The following GALNTL6 variants were observed in gnomAD, a reference collection of about 807,000 sequenced individuals.
The protein encoded by GALNTL6 is polypeptide N-acetylgalactosaminyltransferase-like 6.
In GALNTL6, 46 loss-of-function variants were observed where a neutral mutation model predicts 73.7. The observed-to-expected ratio is 0.62, with a 90% CI of 0.49 to 0.80. The LOEUF is 0.80. Among genes scored for constraint, GALNTL6 ranks in the 30% least tolerant of loss-of-function variants. The pLI, the probability that GALNTL6 is intolerant of heterozygous loss-of-function variation, is 0.00. For synonymous variants in GALNTL6, 259 were observed against 263.7 expected (o/e 0.98, Z 0.17); for missense variants, 604 against 755.0 (o/e 0.80, Z 2.34).
At chr4:171,842,716 C>A (rs1259930584) in intron 2 of GALNTL6, among the ~76,000 whole-genome samples, 2 of 151,986 alleles carry the variant, frequency 1.3e-5, no homozygotes, top group Non-Finnish European at 2.9e-5. Context: ...CACTTAGCAC[C>A]AAGGGAATGG....
chr4:172,510,064 C>T (rs1332402771), intron 5 of GALNTL6, among the ~76,000 whole-genome samples: 1 of 54,948 alleles, frequency 1.8e-5, no homozygotes, highest in Non-Finnish European at 4.2e-5. Flanking sequence ...TGATTCTTCC[C>T]ATCCATGAGC....
Position 172,513,905 on chromosome 4 carries a change from G to C in GALNTL6, c.553+165216G>C, listed in dbSNP as rs142357879. On this transcript the variant is annotated intron_variant, in intron 5 of 12. Coordinates refer to ENST00000506823, the MANE Select transcript of GALNTL6 (RefSeq NM_001034845.3). ...GTATGCTGGTTGTGCTGGCAGTAAA[G>C]TTGTCATGTAGACATACTGAGGATC... is the stretch of plus-strand genomic sequence containing the variant. Among the ~76,000 whole-genome samples the C allele has an allele frequency of 5.6e-3, 860 of 152,324 alleles. 8 individuals carry two copies. Among genetic ancestry groups the C allele is most frequent in the African/African-American group, 0.02 (813 of 41,570 alleles).
intron 6 of GALNTL6, among the ~76,000 whole-genome samples, chr4:172,812,514 G>A (rs1439797076): frequency 6.6e-6 from 1 of 151,842 alleles, no homozygotes; most frequent in Non-Finnish European, 1.5e-5. Context: ...AGCTATTCTA[G>A]CTAAACCAAA....
chr4:172,411,914 A>G (rs1744452727), intron 5 of GALNTL6, among the ~76,000 whole-genome samples: 2 of 152,116 alleles, frequency 1.3e-5, no homozygotes, highest in East Asian at 1.9e-4. Context: ...GGGAAAATAG[A>G]AAAGTAAAAA....
intron 5 of GALNTL6, among the ~76,000 whole-genome samples, chr4:172,760,506 A>G (rs1252259197): frequency 6.6e-6 from 1 of 152,126 alleles, no homozygotes; most frequent in Non-Finnish European, 1.5e-5. Context: ...TTACCCTGAG[A>G]TGCTTGCTCT....
intron 2 of GALNTL6, among the ~76,000 whole-genome samples, chr4:171,982,645 C>T (rs908525810): frequency 6.6e-6 from 1 of 152,096 alleles, no homozygotes; most frequent in Non-Finnish European, 1.5e-5. Flanking sequence ...TGGAGGTCCT[C>T]CACCCATAGT....
chr4:172,619,859 G>A (rs1403014293), intron 5 of GALNTL6, among the ~76,000 whole-genome samples: 1 of 152,096 alleles, frequency 6.6e-6, no homozygotes, highest in Non-Finnish European at 1.5e-5. Flanking sequence ...ACTATGAAAT[G>A]CATATGTCAG....
chr4:172,336,183 CT>C (rs1167316485), intron 4 of GALNTL6, among the ~76,000 whole-genome samples: 1 of 148,222 alleles, frequency 6.7e-6, no homozygotes, highest in Non-Finnish European at 1.5e-5. Flanking sequence ...TTATTTATAT[CT>C]TAATTTATTT....
At chr4:172,248,565 G>A (rs1737739878) in intron 3 of GALNTL6, among the ~76,000 whole-genome samples, 1 of 152,146 alleles carries the variant, frequency 6.6e-6, no homozygotes, top group African/African-American at 2.4e-5. Flanking sequence ...ATTGCTATTA[G>A]TCAATCCCAT....
chr4:172,652,050 G>A (rs1729833638), intron 5 of GALNTL6, among the ~76,000 whole-genome samples: 1 of 152,158 alleles, frequency 6.6e-6, no homozygotes, highest in Non-Finnish European at 1.5e-5. Context: ...CTGCTAATAT[G>A]AGTCTTAGAA....
intron 5 of GALNTL6, among the ~76,000 whole-genome samples, chr4:172,741,824 A>G (rs915386292): frequency 3.9e-5 from 6 of 152,048 alleles, no homozygotes; most frequent in Non-Finnish European, 7.4e-5. Flanking sequence ...AAGTTCCAAC[A>G]TCATAGTCAT....
chr4:172,896,233 C>G (rs1746323706), intron 8 of GALNTL6, among the ~76,000 whole-genome samples: 1 of 152,176 alleles, frequency 6.6e-6, no homozygotes, highest in Non-Finnish European at 1.5e-5. Flanking sequence ...TTTTAGTCTT[C>G]TTTGCCCAGT....
chr4:172,440,170 C>G (rs1731777933), intron 5 of GALNTL6, among the ~76,000 whole-genome samples: 1 of 152,048 alleles, frequency 6.6e-6, no homozygotes, highest in African/African-American at 2.4e-5. Context: ...AAAACTTACA[C>G]TCACACAAGA....
At chr4:172,498,583 G>T (rs1240629201) in intron 5 of GALNTL6, among the ~76,000 whole-genome samples, 1 of 152,026 alleles carries the variant, frequency 6.6e-6, no homozygotes, top group African/African-American at 2.4e-5. Context: ...TTTTTATTTT[G>T]AGTCTCAGAG....
intron 5 of GALNTL6, among the ~76,000 whole-genome samples, chr4:172,597,659 C>G (rs1466505481): frequency 6.6e-6 from 1 of 152,090 alleles, no homozygotes; most frequent in Non-Finnish European, 1.5e-5. Context: ...TCCTTAGAGA[C>G]TTCATAATGA....
At chr4:172,020,827 T>A (rs755576365) in intron 2 of GALNTL6, among the ~76,000 whole-genome samples, 1 of 151,986 alleles carries the variant, frequency 6.6e-6, no homozygotes, top group Admixed American at 6.6e-5. Flanking sequence ...ATTACCCTGA[T>A]ACTTACACCA....
At chr4:172,004,511 T>C (rs1740770744) in intron 2 of GALNTL6, among the ~76,000 whole-genome samples, 2 of 152,102 alleles carry the variant, frequency 1.3e-5, no homozygotes, top group East Asian at 3.8e-4. Context: ...GGATTAATTA[T>C]TTTACCTGCT....
chr4:172,103,991 T>TG (rs2110965825), intron 2 of GALNTL6, among the ~76,000 whole-genome samples: 1 of 151,594 alleles, frequency 6.6e-6, no homozygotes, highest in South Asian at 2.1e-4. Context: ...TTGCCCAGGC[T>TG]GGGCTGCAGT....
intron 5 of GALNTL6, among the ~76,000 whole-genome samples, chr4:172,592,670 GTCTATCTATCTA>G (rs5864141): frequency 2.3e-4 from 33 of 142,096 alleles, no homozygotes; most frequent in African/African-American, 7.6e-4. Flanking sequence ...CTGTCTGTCT[GTCTATCTATCTA>G]TCTATCTATC....
Sources: gnomAD v4.1 joint callset for allele counts (sites outside exome capture counted in the v4.1 genomes callset) on GRCh38, gnomAD v4.1.1 for gene constraint, MANE v1.5 for transcripts, NCBI Gene and HGNC (gene_info 2026-07-23, HGNC 2026-07-21) for gene names.